The following CDC16 variants were observed in gnomAD, a reference collection of about 807,000 sequenced individuals.
CDC16 encodes the protein cell division cycle 16.
CDC16 carries 34 observed loss-of-function variants against 87.0 expected under a neutral mutation model. That is an observed-to-expected ratio of 0.39 (90% CI 0.30 to 0.52). The LOEUF (loss-of-function observed/expected upper bound fraction) is 0.52. Among genes scored for constraint, CDC16 ranks in the 20% least tolerant of loss-of-function variants. The pLI is 0.74. For synonymous variants in CDC16, 263 were observed against 260.6 expected, an observed-to-expected ratio of 1.01 and a Z score of -0.09; for missense variants, 653 against 751.9, an observed-to-expected ratio of 0.87 and a Z score of 1.54.
chr13:114,239,336 T>C lies in CDC16; in HGVS notation c.241-14T>C, dbSNP rs768106785. On this transcript the variant is annotated splice_polypyrimidine_tract_variant and intron_variant, in intron 4 of 17. Coordinates refer to ENST00000356221, the MANE Select transcript of CDC16 (RefSeq NM_001078645.3). ...AGTCGTGAGTGATGAGCGGCACTTCTGTTTTCCACGTAGTATGCTGCAAAA... is the reference window on the plus strand; with the variant it reads ...AGTCGTGAGTGATGAGCGGCACTTCCGTTTTCCACGTAGTATGCTGCAAAA... 7 of 1,586,084 alleles carry C rather than the reference T, an allele frequency of 4.4e-6. No homozygotes were observed. The Admixed American group carries it at 8.6e-5, about 20-fold the overall frequency.
rs376940072 is a variant in CDC16, at chr13:114,268,712, C to T, written c.1603+3472C>T. Reference sequence around the variant, plus strand: ...GTGTGTGCCTCTAGTGCCAGCTACTCAGGGGGCTGAGGCAGGAGGATTACT... The same window carrying T: ...GTGTGTGCCTCTAGTGCCAGCTACTTAGGGGGCTGAGGCAGGAGGATTACT... On this transcript the variant is annotated intron_variant, in intron 17 of 17. Coordinates refer to ENST00000356221, the MANE Select transcript of CDC16 (RefSeq NM_001078645.3). Among the ~76,000 whole-genome samples the T allele has an allele frequency of 3.3e-5, 5 of 152,266 alleles. No individual in the cohort carries two copies. In the East Asian group the frequency reaches 9.7e-4, roughly 29 times the overall value.
intron 17 of CDC16, among the ~76,000 whole-genome samples, chr13:114,269,885 T>C (rs540496040): frequency 1.8e-4 from 28 of 152,210 alleles, no homozygotes; most frequent in African/African-American, 6.7e-4. Flanking sequence ...TTTGTATTTT[T>C]AGTAGAGATG....
chr13:114,250,448 C>T, intron 11 of CDC16, 101 bp from the exon 12 acceptor site: 1 of 1,090,910 alleles, frequency 9.2e-7, no homozygotes, highest in Non-Finnish European at 1.3e-6. Context: ...GCCGAGATCG[C>T]ACCACTGCAC....
At chr13:114,243,622 T>C (rs2081678086) in intron 7 of CDC16, among the ~76,000 whole-genome samples, 1 of 152,226 alleles carries the variant, frequency 6.6e-6, no homozygotes, top group African/African-American at 2.4e-5. Context: ...TTTGTTATGC[T>C]TCCTGAATGT....
intron 13 of CDC16, 114 bp from the exon 14 acceptor site, chr13:114,259,221 C>A: frequency 1.8e-6 from 1 of 570,286 alleles, no homozygotes; most frequent in Non-Finnish European, 3.0e-6. Flanking sequence ...ATAATTATTT[C>A]CAGCAGTTTA....
At chr13:114,235,233 A>T in intron 1 of CDC16, 101 bp downstream of exon 1, 1 of 837,152 alleles carries the variant, frequency 1.2e-6, no homozygotes, top group Non-Finnish European at 1.6e-6. Flanking sequence ...TTGGTGGGGA[A>T]GGACTGGGCC....
chr13:114,242,941 T>C (rs996554719), intron 6 of CDC16, among the ~76,000 whole-genome samples: 10 of 152,158 alleles, frequency 6.6e-5, no homozygotes, highest in Admixed American at 2.0e-4. Flanking sequence ...GCTTAGCACC[T>C]GCAGTACACA....
At position 114,234,975 on chromosome 13, in the gene CDC16, G is replaced by T; in HGVS notation, c.-110G>T. On this transcript the variant is annotated 5_prime_UTR_variant, in exon 1 of 18. Coordinates refer to ENST00000356221, the MANE Select transcript of CDC16 (RefSeq NM_001078645.3). ...CGAGTCCGCGGCCTTCGAGTCCTGG[G>T]GCGGCGGCGGCGGCTGCAGGCACGG... The T allele has an allele frequency of 1.3e-6, 1 of 755,784 alleles. No individual in the cohort carries two copies. The highest frequency in any genetic ancestry group is 1.7e-6 in the Non-Finnish European group (1 of 591,032). The allele number at this position is 755,784 out of a possible 1,614,324, so 46.8% of individuals were successfully genotyped here.
chr13:114,260,868 A>G (rs1297200957), intron 14 of CDC16, among the ~76,000 whole-genome samples: 3 of 152,188 alleles, frequency 2.0e-5, no homozygotes, highest in Non-Finnish European at 4.4e-5. Context: ...CTGTTCATTC[A>G]TTTAGTTGAC....
chr13:114,261,358 G>T (rs2139117263), intron 14 of CDC16, among the ~76,000 whole-genome samples: 1 of 152,176 alleles, frequency 6.6e-6, no homozygotes, highest in Middle Eastern at 3.4e-3. Flanking sequence ...CTCTGTTAAT[G>T]AGGAAGGTGA....
At chr13:114,243,146 T>C (rs2081644866) in intron 6 of CDC16, 111 bp from the exon 7 acceptor site, 2 of 624,828 alleles carry the variant, frequency 3.2e-6, no homozygotes, top group Admixed American at 2.6e-5. Flanking sequence ...ATGTTCTCTT[T>C]TGAGTTTGAT....
intron 3 of CDC16, among the ~76,000 whole-genome samples, chr13:114,237,909 A>G (rs2081334250): frequency 6.6e-6 from 1 of 152,210 alleles, no homozygotes; most frequent in Non-Finnish European, 1.5e-5. Context: ...TATTCCCACA[A>G]AGTCATTCAG....
At chr13:114,243,544 C>G (rs1426227447) in intron 7 of CDC16, among the ~76,000 whole-genome samples, 196 bp downstream of exon 7, 1 of 151,258 alleles carries the variant, frequency 6.6e-6, no homozygotes, top group South Asian at 2.1e-4. Flanking sequence ...TGAAAGACTC[C>G]TTATACTAAA....
chr13:114,250,977 G>A (rs541015887), intron 12 of CDC16, among the ~76,000 whole-genome samples: 41 of 152,228 alleles, frequency 2.7e-4, no homozygotes, highest in Non-Finnish European at 4.6e-4. Flanking sequence ...AAATATTCAC[G>A]AGCAAAATTA....
At chr13:114,266,151 A>C (rs1223528223) in intron 17 of CDC16, among the ~76,000 whole-genome samples, 2 of 152,128 alleles carry the variant, frequency 1.3e-5, no homozygotes, top group African/African-American at 4.8e-5. Context: ...ATTTCCCCCA[A>C]AGTCAAAAAG....
chr13:114,261,445 G>A (rs1226019945), intron 14 of CDC16, among the ~76,000 whole-genome samples: 1 of 152,066 alleles, frequency 6.6e-6, no homozygotes, highest in Non-Finnish European at 1.5e-5. Flanking sequence ...GGTCAGAGGG[G>A]GTGGGGGTGC....
intron 5 of CDC16, among the ~76,000 whole-genome samples, chr13:114,239,823 T>G (rs571851899): frequency 1.9e-4 from 29 of 152,344 alleles, no homozygotes; most frequent in African/African-American, 6.7e-4. Context: ...ACCAAGAAAC[T>G]TTGATTAGCG....
chr13:114,238,847 T>A, intron 3 of CDC16, 143 bp from the exon 4 acceptor site: 1 of 1,106,484 alleles, frequency 9.0e-7, no homozygotes, highest in Non-Finnish European at 1.3e-6. Context: ...AAATATGGTT[T>A]AACAGGACTG....
chr13:114,245,850 G>C (rs562106980), intron 9 of CDC16, 150 bp from the exon 10 acceptor site: 114 of 598,382 alleles, frequency 1.9e-4, no homozygotes, highest in Non-Finnish European at 3.2e-4. Context: ...TCTCCAGTTA[G>C]AGAGTTAATT....
Sources: gnomAD v4.1 joint callset for allele counts (sites outside exome capture counted in the v4.1 genomes callset) on GRCh38, gnomAD v4.1.1 for gene constraint, MANE v1.5 for transcripts, NCBI Gene and HGNC (gene_info 2026-07-23, HGNC 2026-07-21) for gene names.